PRMT3: variants seen among roughly 807,000 people sequenced by gnomAD.
PRMT3 encodes protein arginine N-methyltransferase 3.
PRMT3 carries 62 observed loss-of-function variants against 71.9 expected under a neutral mutation model. The observed-to-expected ratio is 0.86, with a 90% CI of 0.70 to 1.07. The LOEUF (loss-of-function observed/expected upper bound fraction) is 1.07, where lower values mean the gene tolerates loss of function less well. Ranked by LOEUF, PRMT3 falls within the 50% of genes least tolerant of loss-of-function variation. The pLI is 0.00. For missense variants in PRMT3, 663 were observed against 643.0 expected (o/e 1.03, Z -0.34); for synonymous variants, 213 against 220.4 (o/e 0.97, Z 0.30).
At chr11:20,414,355 A>G (rs1183023415) in intron 9 of PRMT3, among the ~76,000 whole-genome samples, 3 of 152,188 alleles carry the variant, frequency 2.0e-5, no homozygotes, top group Non-Finnish European at 4.4e-5. Context: ...GAGGTTGCAG[A>G]CATGAATAAA....
Position 20,387,898 on chromosome 11 carries a change from G to A in PRMT3, c.29-121G>A, listed in dbSNP as rs1222068896. On this transcript the variant is annotated intron_variant, in intron 1 of 15. Coordinates refer to ENST00000331079, the MANE Select transcript of PRMT3 (RefSeq NM_005788.4). This position sits in a 1 kb window ranked among gnomAD's most constrained non-coding sequence, Gnocchi z 4.3. The stretch of plus-strand genomic sequence containing the variant: ...TGGGGGGCTCGCAGGGATCATGAAG[G>A]AGGTGCTGAGTGAGGGCCGCGGGCG... 3.2e-6 allele frequency: 5 copies of A among 1,553,062 alleles called. No individual in the cohort carries two copies. Among genetic ancestry groups the A allele is most frequent in the Non-Finnish European group, 4.4e-6 (5 of 1,147,360 alleles).
At chr11:20,395,656 A>G in intron 5 of PRMT3, 147 bp from the exon 6 acceptor site, 1 of 784,780 alleles carries the variant, frequency 1.3e-6, no homozygotes. Context: ...CAAAGCCAAG[A>G]TGATTAATAT....
chr11:20,425,262 C>A (rs543725088), intron 9 of PRMT3, among the ~76,000 whole-genome samples: 7 of 152,218 alleles, frequency 4.6e-5, no homozygotes, highest in Admixed American at 2.6e-4. Flanking sequence ...ATTCTTTCTA[C>A]ACAGTGAAAA....
At chr11:20,399,920 G>T (rs1186337604) in intron 7 of PRMT3, among the ~76,000 whole-genome samples, 2 of 152,138 alleles carry the variant, frequency 1.3e-5, no homozygotes, top group Non-Finnish European at 2.9e-5. Flanking sequence ...TTGTGCCTTA[G>T]CTTCCTTTAG....
intron 15 of PRMT3, among the ~76,000 whole-genome samples, chr11:20,495,135 TCTC>T (rs747437342): frequency 6.6e-6 from 1 of 152,012 alleles, no homozygotes; most frequent in Non-Finnish European, 1.5e-5. Flanking sequence ...TTCAAGCAAT[TCTC>T]CTGCCTCAGT....
intron 9 of PRMT3, among the ~76,000 whole-genome samples, chr11:20,411,209 A>G (rs1849184527): frequency 6.6e-6 from 1 of 152,076 alleles, no homozygotes; most frequent in South Asian, 2.1e-4. Flanking sequence ...AGGATAAAAT[A>G]GGTAGAGACA....
chr11:20,403,489 A>G (rs186366790), intron 8 of PRMT3, among the ~76,000 whole-genome samples: 67 of 152,312 alleles, frequency 4.4e-4, no homozygotes, highest in East Asian at 4.0e-3. Flanking sequence ...GTATTTTACA[A>G]TTAATTTTAA....
chr11:20,404,221 T>TGTTTTA lies in PRMT3; in HGVS notation c.771+1237_771+1238insGTTTTA, dbSNP rs1565196779. Among the ~76,000 whole-genome samples, 12 of 7,874 alleles carry TGTTTTA rather than the reference T, an allele frequency of 1.5e-3. 1 individual carries two copies. The highest frequency in any genetic ancestry group is 2.7e-3 in the African/African-American group (12 of 4,484). 5.2% of individuals were successfully genotyped at this position (7,874 alleles called of 152,430 possible). On this transcript the variant is annotated intron_variant, in intron 8 of 15. Transcript: ENST00000331079. ...TGGAGACTTTTCATAGTTTTTTTTTTTTTTTTTTTTTTTTTTTTTTTTTTT... is the reference window on the plus strand; with the variant it reads ...TGGAGACTTTTCATAGTTTTTTTTTTGTTTTATTTTTTTTTTTTTTTTTTTTTTTTT...
chr11:20,392,395 G>T (rs971476930), intron 4 of PRMT3, 135 bp downstream of exon 4: 2 of 891,264 alleles, frequency 2.2e-6, no homozygotes. Flanking sequence ...GGGAATCACG[G>T]ACATTAGGAG....
intron 15 of PRMT3, among the ~76,000 whole-genome samples, chr11:20,496,607 C>A (rs1055110651): frequency 8.0e-6 from 1 of 125,508 alleles, no homozygotes; most frequent in African/African-American, 3.2e-5. Flanking sequence ...AGGATTAGGG[C>A]AGGCTACAAC....
intron 13 of PRMT3, among the ~76,000 whole-genome samples, chr11:20,491,478 G>A (rs1448383011): frequency 6.6e-6 from 1 of 152,214 alleles, no homozygotes; most frequent in Non-Finnish European, 1.5e-5. Context: ...GTTGTTAGCA[G>A]TCAAGCCCAG....
intron 9 of PRMT3, among the ~76,000 whole-genome samples, chr11:20,411,810 C>G (rs1849199012): frequency 6.6e-6 from 1 of 152,114 alleles, no homozygotes; most frequent in South Asian, 2.1e-4. Context: ...AAACATTGCA[C>G]ATGAGAGCAT....
intron 7 of PRMT3, among the ~76,000 whole-genome samples, chr11:20,398,457 T>A (rs1848879145): frequency 1.3e-5 from 2 of 152,126 alleles, no homozygotes; most frequent in Admixed American, 1.3e-4. Context: ...GCCATATTTT[T>A]TTTTGTTGTT....
chr11:20,400,844 A>G (rs915876206), intron 7 of PRMT3, among the ~76,000 whole-genome samples: 3 of 151,632 alleles, frequency 2.0e-5, no homozygotes, highest in African/African-American at 4.9e-5. Context: ...CAAGGTTGAT[A>G]TAAAAAAAAT....
At chr11:20,460,263 T>G (rs1850354053) in intron 11 of PRMT3, among the ~76,000 whole-genome samples, 1 of 152,222 alleles carries the variant, frequency 6.6e-6, no homozygotes, top group Non-Finnish European at 1.5e-5. Flanking sequence ...TTGTTTTTGT[T>G]TTTGCTGCAT....
chr11:20,397,103 G>A (rs1176477593), intron 6 of PRMT3, among the ~76,000 whole-genome samples: 1 of 151,964 alleles, frequency 6.6e-6, no homozygotes, highest in Admixed American at 6.6e-5. Context: ...GATCTGAGAG[G>A]GATCTAAGTT....
At chr11:20,489,159 C>T (rs1242206191) in intron 13 of PRMT3, among the ~76,000 whole-genome samples, 1 of 151,588 alleles carries the variant, frequency 6.6e-6, no homozygotes, top group Non-Finnish European at 1.5e-5. Context: ...TTACTACTTA[C>T]CACTCATTCT....
At chr11:20,447,773 G>C (rs996200625) in intron 10 of PRMT3, among the ~76,000 whole-genome samples, 13 of 151,940 alleles carry the variant, frequency 8.6e-5, no homozygotes, top group Non-Finnish European at 1.6e-4. Context: ...TCTGTCAGTT[G>C]CGTTGTTTAC....
At chr11:20,429,144 A>G (rs1257464512) in intron 10 of PRMT3, among the ~76,000 whole-genome samples, 1 of 152,202 alleles carries the variant, frequency 6.6e-6, no homozygotes, top group Non-Finnish European at 1.5e-5. Context: ...TCTTGGCACC[A>G]GGGTCCAGTT....
Sources: gnomAD v4.1 joint callset for allele counts (sites outside exome capture counted in the v4.1 genomes callset) on GRCh38, gnomAD v4.1.1 for gene constraint, Gnocchi (gnomAD v3.1) non-coding constraint, MANE v1.5 for transcripts, NCBI Gene and HGNC (gene_info 2026-07-23, HGNC 2026-07-21) for gene names.